LAMA3: variants seen among roughly 807,000 people sequenced by gnomAD.
LAMA3 encodes laminin subunit alpha 3.
In LAMA3, 281 loss-of-function variants were observed where a neutral mutation model predicts 402.0. The ratio of observed to expected loss-of-function variants is 0.70; its 90% CI spans 0.63 to 0.77. The LOEUF is 0.77. LAMA3 is among the 30% of genes least tolerant of loss of function. The pLI is 0.00. For synonymous variants in LAMA3, 1,431 were observed against 1,558.4 expected, an observed-to-expected ratio of 0.92 and a Z score of 1.93; for missense variants, 3,840 against 4,215.5, an observed-to-expected ratio of 0.91 and a Z score of 2.47.
intron 58 of LAMA3, 54 bp downstream of exon 58, chr18:23,914,914 G>A (rs1011981802): frequency 7.3e-7 from 1 of 1,369,814 alleles, no homozygotes; most frequent in Non-Finnish European, 1.0e-6. Flanking sequence ...AATTTGGTAT[G>A]GTGATGACCT....
At chr18:23,809,491 G>A (rs2063025123) in intron 12 of LAMA3, among the ~76,000 whole-genome samples, 1 of 152,198 alleles carries the variant, frequency 6.6e-6, no homozygotes, top group South Asian at 2.1e-4. Context: ...AGTCAGTCAG[G>A]TCAATTCCAC....
At chr18:23,950,225 G>A (rs767565855) in intron 72 of LAMA3, 66 bp downstream of exon 72, 32 of 1,597,042 alleles carry the variant, frequency 2.0e-5, no homozygotes, top group Non-Finnish European at 2.7e-5. Flanking sequence ...GGAGGCCACA[G>A]CGGGTCAGGT....
chr18:23,920,609 T>C (rs924372484), intron 60 of LAMA3, among the ~76,000 whole-genome samples: 5 of 152,188 alleles, frequency 3.3e-5, no homozygotes, highest in East Asian at 3.8e-4. Context: ...GCACTCATAT[T>C]TTCAAATAAT....
chr18:23,939,411 GC>G, intron 68 of LAMA3, 25 bp downstream of exon 68: 1 of 1,612,550 alleles, frequency 6.2e-7, no homozygotes, highest in Non-Finnish European at 8.5e-7. Flanking sequence ...TCCTGCCCCA[GC>G]ACCAGCTCAG....
intron 35 of LAMA3, among the ~76,000 whole-genome samples, chr18:23,863,982 C>G (rs1878272568): frequency 6.6e-6 from 1 of 152,090 alleles, no homozygotes; most frequent in Non-Finnish European, 1.5e-5. Context: ...CAGCAGAACT[C>G]ACAATAATTT....
intron 41 of LAMA3, 30 bp downstream of exon 41, chr18:23,884,883 T>G (rs962704315): frequency 6.4e-7 from 1 of 1,558,712 alleles, no homozygotes. Context: ...CGCCTCAGCC[T>G]GCAGAGGGGG....
chr18:23,746,403 CA>C (rs996908988), intron 2 of LAMA3, among the ~76,000 whole-genome samples: 1 of 152,076 alleles, frequency 6.6e-6, no homozygotes, highest in Non-Finnish European at 1.5e-5. Flanking sequence ...TCTACAAGGC[CA>C]GGGGTCCTCC....
chr18:23,904,670 C>T lies in LAMA3; in HGVS notation c.6591C>T (p.Ala2197=), dbSNP rs1484688095. 1.2e-6 allele frequency: 2 copies of T among 1,614,060 alleles called. No individual in the cohort carries two copies. The highest frequency in any genetic ancestry group is 1.7e-6 in the Non-Finnish European group (2 of 1,180,032). ...KAAEDAANRA[A]SASESALQTV... Reference sequence around the variant, plus strand: ...CCGAGGACGCAGCCAACAGGGCTGCCAGTGCATCTGAATCTGCCCTCCAGG... The same window carrying T: ...CCGAGGACGCAGCCAACAGGGCTGCTAGTGCATCTGAATCTGCCCTCCAGG... The change falls in exon 51 of 75, where the codon GCC becomes GCT. Residue 2197 remains alanine (A), a synonymous_variant. Transcript: ENST00000313654.
At chr18:23,767,973 T>C (rs1049500555) in intron 8 of LAMA3, among the ~76,000 whole-genome samples, 1 of 152,080 alleles carries the variant, frequency 6.6e-6, no homozygotes, top group African/African-American at 2.4e-5. Context: ...TATTATACAA[T>C]AATTAACTCA....
chr18:23,802,377 T>A (rs2062880935), intron 12 of LAMA3, among the ~76,000 whole-genome samples: 1 of 152,180 alleles, frequency 6.6e-6, no homozygotes, highest in African/African-American at 2.4e-5. Flanking sequence ...TCTTCATTCT[T>A]GAAGGGTCTA....
chr18:23,816,103 C>T (rs963253260), intron 17 of LAMA3, among the ~76,000 whole-genome samples: 4 of 152,176 alleles, frequency 2.6e-5, no homozygotes, highest in African/African-American at 9.7e-5. Context: ...TAGCCGCCTC[C>T]AACTTAGAAG....
rs1434870451 is a variant in LAMA3 at position 23,747,875 on chromosome 18, C to CATAG, written c.448-66_448-63dup. ...CGTGTTGCCTTGGGAATCAGCATCACATAGAGATGGTAGAAGCTGTGAATC... is the reference window on the plus strand; with the variant it reads ...CGTGTTGCCTTGGGAATCAGCATCACATAGATAGAGATGGTAGAAGCTGTGAATC... On this transcript the variant is annotated intron_variant, in intron 2 of 74. Transcript: ENST00000313654. 4.3e-6 allele frequency: 4 copies of CATAG among 928,678 alleles called. No individual in the cohort carries two copies. In the Admixed American group the frequency reaches 6.8e-5, roughly 16 times the overall value. 57.5% of individuals were successfully genotyped at this position (928,678 alleles called of 1,614,324 possible). A position where few individuals can be genotyped will look rare whatever the true frequency, so the allele number is the denominator to read the frequency against.
At chr18:23,822,146 C>G in intron 19 of LAMA3, 106 bp from the exon 20 acceptor site, 1 of 1,227,088 alleles carries the variant, frequency 8.1e-7, no homozygotes, top group Non-Finnish European at 1.2e-6. Flanking sequence ...TATGTGTGTA[C>G]ATTACAAGTC....
intron 59 of LAMA3, among the ~76,000 whole-genome samples, chr18:23,916,176 C>T (rs554575128): frequency 1.8e-4 from 28 of 152,062 alleles, no homozygotes; most frequent in Non-Finnish European, 3.4e-4. Context: ...ATTACAAGGA[C>T]ATGGTATATT....
At chr18:23,876,860 A>G (rs1481703384) in intron 39 of LAMA3, among the ~76,000 whole-genome samples, 2 of 152,166 alleles carry the variant, frequency 1.3e-5, no homozygotes, top group Non-Finnish European at 2.9e-5. Context: ...CTCATAAGAA[A>G]TCAGTCCAAC....
chr18:23,952,958 G>T (rs982326616), intron 73 of LAMA3, 32 bp from the exon 74 acceptor site: 29 of 1,613,290 alleles, frequency 1.8e-5, no homozygotes, highest in Non-Finnish European at 2.5e-5. Context: ...GCTCACCTCC[G>T]ATGATAGACC....
chr18:23,894,469 A>G, intron 43 of LAMA3, 121 bp downstream of exon 43: 1 of 849,522 alleles, frequency 1.2e-6, no homozygotes, highest in Non-Finnish European at 2.0e-6. Context: ...AGGAGGTGGA[A>G]GGACTACTTA....
chr18:23,867,890 G>A lies in LAMA3; in HGVS notation c.4740G>A (p.Leu1580=), dbSNP rs1188367625. 1 of 1,614,112 alleles carries A rather than the reference G, an allele frequency of 6.2e-7. No individual in the cohort carries two copies. The highest frequency in any genetic ancestry group is 1.7e-5 in the Admixed American group (1 of 60,032). ...CAAACACCCCACGGCCAGACCGGCT[G>A]CATCATGGACGAGTGCACGTGGTCG... The part of the protein sequence containing the change: ...EETNTPRPDR[L]HHGRVHVVEG... Residue 1580 remains leucine, a synonymous_variant, in exon 37 of 75, where the codon CTG becomes CTA. Coordinates refer to ENST00000313654, the MANE Select transcript of LAMA3 (RefSeq NM_198129.4).
At chr18:23,799,928 T>A (rs2062837874) in intron 12 of LAMA3, among the ~76,000 whole-genome samples, 1 of 152,222 alleles carries the variant, frequency 6.6e-6, no homozygotes, top group Admixed American at 6.5e-5. Context: ...CCTTTTTGTC[T>A]TAAGACTTTT....
Sources: allele counts gnomAD v4.1 joint callset (sites outside exome capture counted in the v4.1 genomes callset), GRCh38; gene constraint gnomAD v4.1.1; transcripts MANE v1.5; gene names NCBI Gene and HGNC (gene_info 2026-07-23, HGNC 2026-07-21).